Variants in EPHB1 observed in about 807,000 individuals in gnomAD.
The protein encoded by EPHB1 is EPH receptor B1, also known as ephrin type-B receptor 1.
A neutral mutation model predicts 94.4 loss-of-function variants in EPHB1; 30 were observed. The observed-to-expected ratio is 0.32, with a 90% CI of 0.24 to 0.43. The LOEUF (loss-of-function observed/expected upper bound fraction) is 0.43. Among genes scored for constraint, EPHB1 ranks in the 20% least tolerant of loss-of-function variants. The pLI, the probability that EPHB1 is intolerant of heterozygous loss-of-function variation, is 1.00. For missense variants in EPHB1, 1,055 were observed against 1,308.3 expected, an observed-to-expected ratio of 0.81 and a Z score of 2.99; for synonymous variants, 522 against 489.1, an observed-to-expected ratio of 1.07 and a Z score of -0.89.
intron 5 of EPHB1, among the ~76,000 whole-genome samples, chr3:135,143,731 C>T (rs994446729): frequency 6.6e-6 from 1 of 152,242 alleles, no homozygotes; most frequent in African/African-American, 2.4e-5. Flanking sequence ...GCAGCCATCA[C>T]AGTGCTTAGA....
At chr3:135,190,571 A>T (rs1202574868) in intron 10 of EPHB1, among the ~76,000 whole-genome samples, 1 of 152,216 alleles carries the variant, frequency 6.6e-6, no homozygotes, top group Non-Finnish European at 1.5e-5. Flanking sequence ...ACATATACAC[A>T]CACATATGTG....
chr3:134,916,433 C>T (rs989351175), intron 1 of EPHB1, among the ~76,000 whole-genome samples: 1 of 152,292 alleles, frequency 6.6e-6, no homozygotes, highest in Non-Finnish European at 1.5e-5. Flanking sequence ...AGGCTCAGGC[C>T]GTGCAGGAGC....
chr3:134,892,956 C>G (rs940200650), intron 1 of EPHB1, among the ~76,000 whole-genome samples: 1 of 152,156 alleles, frequency 6.6e-6, no homozygotes, highest in African/African-American at 2.4e-5. Flanking sequence ...GGGTCAAGCC[C>G]CTTGCAAACA....
chr3:135,055,685 CT>C (rs1937327362), intron 3 of EPHB1, among the ~76,000 whole-genome samples: 1 of 152,178 alleles, frequency 6.6e-6, no homozygotes, highest in Non-Finnish European at 1.5e-5. Context: ...GCGAACCTGT[CT>C]TGTCATCCTT....
intron 1 of EPHB1, among the ~76,000 whole-genome samples, chr3:134,886,791 T>C (rs1383930114): frequency 6.6e-6 from 1 of 152,018 alleles, no homozygotes; most frequent in African/African-American, 2.4e-5. Context: ...GGTGAGGAAA[T>C]TCAGGCAGAG....
intron 5 of EPHB1, among the ~76,000 whole-genome samples, chr3:135,137,041 C>T (rs916972226): frequency 6.6e-6 from 1 of 152,212 alleles, no homozygotes; most frequent in Non-Finnish European, 1.5e-5. Flanking sequence ...AAGTGAATGA[C>T]AAACTTTACT....
rs750105756 is a variant in EPHB1 at position 135,149,035 on chromosome 3, G to T, written c.1298-5117G>T. Reference sequence around the variant, plus strand: ...TGGGTGCCTGTACTCTGTTGGGTCAGCCTCTTCATTTGCTAAGAAAGGGTG... The same window carrying T: ...TGGGTGCCTGTACTCTGTTGGGTCATCCTCTTCATTTGCTAAGAAAGGGTG... On this transcript the variant is annotated intron_variant, in intron 5 of 15. Transcript: ENST00000398015. 1.3e-5 allele frequency among the ~76,000 whole-genome samples: 2 copies of T among 152,152 alleles called. 1 individual carries two copies. Among genetic ancestry groups the T allele is most frequent in the South Asian group, 4.1e-4 (2 of 4,830 alleles).
intron 1 of EPHB1, among the ~76,000 whole-genome samples, chr3:134,872,497 A>G (rs1163924885): frequency 3.9e-5 from 6 of 152,248 alleles, no homozygotes; most frequent in African/African-American, 1.4e-4. Context: ...GCTATTTCAC[A>G]TGTAGTGATT....
At chr3:135,157,887 A>C (rs1183861428) in intron 6 of EPHB1, among the ~76,000 whole-genome samples, 2 of 152,190 alleles carry the variant, frequency 1.3e-5, no homozygotes, top group East Asian at 3.8e-4. Context: ...AATATATATA[A>C]CCAACTTATA....
intron 13 of EPHB1, among the ~76,000 whole-genome samples, chr3:135,243,307 T>C (rs1195031207): frequency 6.6e-6 from 1 of 152,182 alleles, no homozygotes; most frequent in East Asian, 1.9e-4. Context: ...AATCAGTGTA[T>C]GCTAGTTGTG....
At chr3:134,881,922 T>C (rs1043988781) in intron 1 of EPHB1, among the ~76,000 whole-genome samples, 1 of 152,148 alleles carries the variant, frequency 6.6e-6, no homozygotes, top group Non-Finnish European at 1.5e-5. Flanking sequence ...GAAATAAGGG[T>C]TCACAGAGGG....
chr3:134,840,206 C>G (rs1358245726), intron 1 of EPHB1, among the ~76,000 whole-genome samples: 1 of 152,122 alleles, frequency 6.6e-6, no homozygotes, highest in Non-Finnish European at 1.5e-5. Context: ...AGTGCCTGGC[C>G]CAGGGCTTTG....
At chr3:135,162,204 C>A in intron 7 of EPHB1, 24 bp downstream of exon 7, 1 of 1,570,238 alleles carries the variant, frequency 6.4e-7, no homozygotes, top group Non-Finnish European at 8.7e-7. Context: ...AGGGCAGTGG[C>A]ATAATCACAG....
chr3:134,942,579 G>A lies in EPHB1; in HGVS notation c.124-8792G>A, dbSNP rs536139683. On this transcript the variant is annotated intron_variant, in intron 2 of 15. Coordinates refer to ENST00000398015, the MANE Select transcript of EPHB1 (RefSeq NM_004441.5). ...TCAGGGCTGCAAAGGGCAAGGTGGT[G>A]CATCCCGGTTATTTATCAGGAGGCA... 1.1e-4 allele frequency among the ~76,000 whole-genome samples: 16 copies of A among 152,354 alleles called. No homozygotes were observed. In the South Asian group the frequency reaches 3.1e-3, roughly 30 times the overall value.
intron 11 of EPHB1, among the ~76,000 whole-genome samples, chr3:135,196,374 G>C (rs1354726203): frequency 6.6e-6 from 1 of 152,108 alleles, no homozygotes; most frequent in East Asian, 1.9e-4. Context: ...GCTTGCAGGG[G>C]AAGAAAACCT....
chr3:135,217,452 A>G lies in EPHB1; in HGVS notation c.2346+15763A>G, dbSNP rs566162035. On this transcript the variant is annotated intron_variant, in intron 12 of 15. Coordinates refer to ENST00000398015, the MANE Select transcript of EPHB1 (RefSeq NM_004441.5). ...CACACACACACACACACACACACAC[A>G]CACACACACACACACGCACACGGGG... 7.2e-3 allele frequency among the ~76,000 whole-genome samples: 1,081 copies of G among 149,132 alleles called. 13 individuals are homozygous for G. The highest frequency in any genetic ancestry group is 0.025 in the African/African-American group (1,018 of 40,082).
chr3:135,130,089 C>T (rs1293879910), intron 4 of EPHB1, among the ~76,000 whole-genome samples: 1 of 152,140 alleles, frequency 6.6e-6, no homozygotes, highest in Non-Finnish European at 1.5e-5. Flanking sequence ...AACTCATACT[C>T]TGGCAGAAGA....
At chr3:134,993,601 G>T (rs1431209539) in intron 3 of EPHB1, among the ~76,000 whole-genome samples, 1 of 152,202 alleles carries the variant, frequency 6.6e-6, no homozygotes, top group Admixed American at 6.5e-5. Flanking sequence ...GCTCTGGAGG[G>T]ATGTACAGTG....
intron 5 of EPHB1, among the ~76,000 whole-genome samples, chr3:135,136,283 G>A (rs1170228851): frequency 6.6e-6 from 1 of 152,176 alleles, no homozygotes; most frequent in African/African-American, 2.4e-5. Flanking sequence ...AGACAGGCTT[G>A]TCTGTTGAGT....
Sources: gnomAD v4.1 joint callset for allele counts (sites outside exome capture counted in the v4.1 genomes callset) on GRCh38, gnomAD v4.1.1 for gene constraint, MANE v1.5 for transcripts, NCBI Gene and HGNC (gene_info 2026-07-23, HGNC 2026-07-21) for gene names.